The following PRKAA2 variants were observed in gnomAD, a reference collection of about 807,000 sequenced individuals.
PRKAA2 encodes the protein 5'-AMP-activated protein kinase catalytic subunit alpha-2.
Under a neutral mutation model 56.3 loss-of-function variants are expected in PRKAA2, and 40 were observed. The ratio of observed to expected loss-of-function variants is 0.71; its 90% CI spans 0.55 to 0.92. The LOEUF (loss-of-function observed/expected upper bound fraction) is 0.92. PRKAA2 is among the 40% of genes least tolerant of loss of function. PRKAA2 has a pLI of 0.00. For missense variants in PRKAA2, 542 were observed against 686.9 expected (o/e 0.79, Z 2.36); for synonymous variants, 214 against 234.2 (o/e 0.91, Z 0.79).
intron 2 of PRKAA2, among the ~76,000 whole-genome samples, chr1:56,687,828 A>AT (rs1303789052): frequency 7.3e-5 from 11 of 151,694 alleles, no homozygotes; most frequent in South Asian, 6.2e-4. Context: ...AAAGATTTCT[A>AT]TTTTTTTTGA....
At chr1:56,671,878 C>CA (rs1353908730) in intron 1 of PRKAA2, among the ~76,000 whole-genome samples, 12 of 152,136 alleles carry the variant, frequency 7.9e-5, no homozygotes, top group Non-Finnish European at 1.5e-4. Flanking sequence ...AGCAGGGAAG[C>CA]TAGCACTTAG....
rs2746349 is a variant in PRKAA2 at position 56,660,977 on chromosome 1, C to A, written c.95-13404C>A. On this transcript the variant is annotated intron_variant, in intron 1 of 8. Coordinates refer to ENST00000371244, the MANE Select transcript of PRKAA2 (RefSeq NM_006252.4). ...GCAATGAGATTGTTTTGTTTCACCA[C>A]GGGCAGAGGTGAAAGGAGCGTTGTG... 1.5e-3 allele frequency among the ~76,000 whole-genome samples: 222 copies of A among 151,976 alleles called. 2 individuals carry two copies. Among genetic ancestry groups the A allele is most frequent in the African/African-American group, 5.2e-3 (214 of 41,436 alleles).
rs1300216360 is a variant in PRKAA2, at chr1:56,714,245, A to T, written c.*6532A>T. 6.6e-6 allele frequency: 1 copy of T among 152,144 alleles called. No individual in the cohort carries two copies. Among genetic ancestry groups the T allele is most frequent in the Non-Finnish European group, 1.5e-5 (1 of 68,008 alleles). The allele number at this position is 152,144 out of a possible 1,614,324, so 9.4% of individuals were successfully genotyped here. A position where few individuals can be genotyped will look rare whatever the true frequency, so the allele number is the denominator to read the frequency against. On this transcript the variant is annotated 3_prime_UTR_variant, in exon 9 of 9. Transcript: ENST00000371244. ...AGCTAAGAACAAAATCTAACTTGGAATCAGTTTCTTCCTTTGGCTGCTGAA... is the reference window on the plus strand; with the variant it reads ...AGCTAAGAACAAAATCTAACTTGGATTCAGTTTCTTCCTTTGGCTGCTGAA...
At chr1:56,705,540 C>T (rs183442660) in intron 7 of PRKAA2, among the ~76,000 whole-genome samples, 10 of 152,084 alleles carry the variant, frequency 6.6e-5, no homozygotes, top group South Asian at 2.1e-4. Flanking sequence ...GGACTACAGG[C>T]GCCTGCCACC....
intron 1 of PRKAA2, among the ~76,000 whole-genome samples, chr1:56,652,358 T>C (rs905212659): frequency 6.6e-6 from 1 of 151,864 alleles, no homozygotes; most frequent in African/African-American, 2.4e-5. Flanking sequence ...GGTTTCACCG[T>C]GTTAGCCAGG....
chr1:56,711,822 A>T lies in PRKAA2; in HGVS notation c.*4109A>T, dbSNP rs1366706291. 6.6e-6 allele frequency: 1 copy of T among 152,006 alleles called. No homozygotes were observed. The highest frequency in any genetic ancestry group is 1.5e-5 in the Non-Finnish European group (1 of 67,986). The allele number at this position is 152,006 out of a possible 1,614,324, so 9.4% of individuals were successfully genotyped here. ...TTAAAGTTCTTTTCTGCTTTTCCAT[A>T]TGATTTGTGTTAGTGTTCACTTTTT... On this transcript the variant is annotated 3_prime_UTR_variant, in exon 9 of 9. Coordinates refer to ENST00000371244, the MANE Select transcript of PRKAA2 (RefSeq NM_006252.4).
Position 56,686,921 on chromosome 1 carries a change from G to C in PRKAA2, c.237-4473G>C, listed in dbSNP as rs1569768464. Among the ~76,000 whole-genome samples, 9 of 133,796 alleles carry C rather than the reference G, an allele frequency of 6.7e-5. No individual in the cohort carries two copies. In the South Asian group the frequency reaches 2.1e-3, roughly 32 times the overall value. 87.8% of individuals were successfully genotyped at this position (133,796 alleles called of 152,430 possible). On this transcript the variant is annotated intron_variant, in intron 2 of 8. Coordinates refer to ENST00000371244, the MANE Select transcript of PRKAA2 (RefSeq NM_006252.4). ...TTTTTTGAGACAGAGTTTCACTCTT[G>C]TTGCCCAGGCTGGAGTGCAATGGCG... is the stretch of plus-strand genomic sequence containing the variant.
intron 1 of PRKAA2, among the ~76,000 whole-genome samples, chr1:56,670,881 C>G (rs1413543148): frequency 6.6e-6 from 1 of 152,076 alleles, no homozygotes; most frequent in Non-Finnish European, 1.5e-5. Flanking sequence ...AGTCTTCAGG[C>G]AGATGTAATA....
chr1:56,686,796 A>G (rs971250680), intron 2 of PRKAA2, among the ~76,000 whole-genome samples: 1 of 152,138 alleles, frequency 6.6e-6, no homozygotes, highest in Non-Finnish European at 1.5e-5. Flanking sequence ...ACATTTCAAC[A>G]TGAGATTTGG....
At chr1:56,660,476 C>G (rs1048016706) in intron 1 of PRKAA2, among the ~76,000 whole-genome samples, 1 of 152,204 alleles carries the variant, frequency 6.6e-6, no homozygotes, top group African/African-American at 2.4e-5. Context: ...TACTCTCTAA[C>G]TGAACACAGC....
intron 1 of PRKAA2, among the ~76,000 whole-genome samples, chr1:56,659,536 A>T (rs115923214): frequency 6.6e-6 from 1 of 151,726 alleles, no homozygotes; most frequent in African/African-American, 2.4e-5. Context: ...TAAATATTTT[A>T]TTTATTTATT....
chr1:56,682,802 G>A (rs1216263974), intron 2 of PRKAA2, among the ~76,000 whole-genome samples: 1 of 152,210 alleles, frequency 6.6e-6, no homozygotes, highest in Non-Finnish European at 1.5e-5. Context: ...ACAGTAGCCA[G>A]TGGCCACATG....
rs146257573 is a variant in PRKAA2, at chr1:56,646,889, A to C, written c.94+1408A>C. Among the ~76,000 whole-genome samples the C allele has an allele frequency of 1.0e-3, 159 of 152,352 alleles. 2 individuals are homozygous for C. The East Asian group carries it at 0.025, about 24-fold the overall frequency. ...GTGGTAGGCACTGTTCTAGGCAATG[A>C]GGATACAGCAAGGAAAAAACAGATC... is the stretch of plus-strand genomic sequence containing the variant. On this transcript the variant is annotated intron_variant, in intron 1 of 8. Coordinates refer to ENST00000371244, the MANE Select transcript of PRKAA2 (RefSeq NM_006252.4).
intron 6 of PRKAA2, among the ~76,000 whole-genome samples, chr1:56,703,697 AT>A (rs1221136140): frequency 6.6e-6 from 1 of 152,202 alleles, no homozygotes; most frequent in Non-Finnish European, 1.5e-5. Context: ...GAATTTTATC[AT>A]TGGCAACAAA....
At chr1:56,698,651 AATCT>A (rs1412466302) in intron 6 of PRKAA2, among the ~76,000 whole-genome samples, 6 of 152,156 alleles carry the variant, frequency 3.9e-5, no homozygotes, top group Non-Finnish European at 7.4e-5. Context: ...CTATCCTTTC[AATCT>A]ATCATATTTT....
At chr1:56,698,583 G>T (rs890674428) in intron 6 of PRKAA2, among the ~76,000 whole-genome samples, 2 of 152,224 alleles carry the variant, frequency 1.3e-5, no homozygotes, top group Middle Eastern at 6.8e-3. Context: ...AACTTTACCT[G>T]AATTCAAAAC....
chr1:56,708,605 C>G lies in PRKAA2; in HGVS notation c.*892C>G, dbSNP rs770593814. 1 of 152,086 alleles carries G rather than the reference C, an allele frequency of 6.6e-6. No individual in the cohort carries two copies. Among genetic ancestry groups the G allele is most frequent in the Non-Finnish European group, 1.5e-5 (1 of 67,998 alleles). The allele number at this position is 152,086 out of a possible 1,614,324, so 9.4% of individuals were successfully genotyped here. The stretch of plus-strand genomic sequence containing the variant: ...ATCAACAGTCCCTTAAATGAGAATC[C>G]TTATCTTTGATCTTTATTTTCTGTG... On this transcript the variant is annotated 3_prime_UTR_variant, in exon 9 of 9. Coordinates refer to ENST00000371244, the MANE Select transcript of PRKAA2 (RefSeq NM_006252.4).
intron 1 of PRKAA2, among the ~76,000 whole-genome samples, chr1:56,646,036 A>G (rs1390483650): frequency 2.6e-5 from 4 of 152,190 alleles, no homozygotes; most frequent in African/African-American, 9.7e-5. Flanking sequence ...TAACAAGCCC[A>G]AGGTCACACA....
In PRKAA2 at chr1:56,695,156, ATC is replaced by A. The variant is rs541001068; in HGVS notation, c.564-769_564-768del. On this transcript the variant is annotated intron_variant, in intron 5 of 8. Transcript: ENST00000371244. ...AATTAAGTACTTTAATGTTTTAAAT[ATC>A]TCTCTCTCTATATATATGATATATT... Among the ~76,000 whole-genome samples the A allele has an allele frequency of 1.6e-3, 226 of 142,104 alleles. 2 individuals carry two copies. Among genetic ancestry groups the A allele is most frequent in the South Asian group, 6.2e-3 (29 of 4,664 alleles). The allele number at this position is 142,104 out of a possible 152,430, so 93.2% of individuals were successfully genotyped here. A position where few individuals can be genotyped will look rare whatever the true frequency, so the allele number is the denominator to read the frequency against.
Sources: gnomAD v4.1 joint callset for allele counts (sites outside exome capture counted in the v4.1 genomes callset) on GRCh38, gnomAD v4.1.1 for gene constraint, MANE v1.5 for transcripts, NCBI Gene and HGNC (gene_info 2026-07-23, HGNC 2026-07-21) for gene names.